Variants in NCOA2 observed in about 807,000 individuals in gnomAD.
NCOA2 encodes class E basic helix-loop-helix protein 75.
NCOA2 carries 21 observed loss-of-function variants against 145.1 expected under a neutral mutation model. That is an observed-to-expected ratio of 0.14 (90% CI 0.10 to 0.21). The LOEUF (loss-of-function observed/expected upper bound fraction) is 0.21, where lower values mean the gene tolerates loss of function less well. Ranked by LOEUF, NCOA2 falls within the 10% of genes least tolerant of loss-of-function variation. The pLI is 1.00. For synonymous variants in NCOA2, 619 were observed against 637.5 expected (o/e 0.97, Z 0.44); for missense variants, 1,472 against 1,837.6 (o/e 0.80, Z 3.64).
chr8:70,260,412 T>TGGCATGAGGCACCAC (rs1824017653), intron 2 of NCOA2, among the ~76,000 whole-genome samples: 1 of 152,112 alleles, frequency 6.6e-6, no homozygotes, highest in Admixed American at 6.5e-5. Flanking sequence ...GGAGGCACCA[T>TGGCATGAGGCACCAC]GGCATGAGGC....
chr8:70,417,125 G>A, the NCOA2 span, among the ~76,000 whole-genome samples: 1 of 151,436 alleles, frequency 6.6e-6, no homozygotes, highest in Non-Finnish European at 1.5e-5. Context: ...TACCTTCTTG[G>A]TGCTGGGCAT....
intron 19 of NCOA2, among the ~76,000 whole-genome samples, chr8:70,126,190 C>A (rs1428006556): frequency 6.6e-6 from 1 of 152,158 alleles, no homozygotes; most frequent in Non-Finnish European, 1.5e-5. Context: ...ATTAACTGAA[C>A]ATGACATGCA....
At chr8:70,344,089 T>C (rs1808385870) in intron 1 of NCOA2, among the ~76,000 whole-genome samples, 2 of 152,196 alleles carry the variant, frequency 1.3e-5, no homozygotes, top group Non-Finnish European at 2.9e-5. Context: ...ATTCTAACTG[T>C]ATAGCACTAC....
At chr8:70,442,109 A>AAAG in the NCOA2 span, among the ~76,000 whole-genome samples, 10 of 131,464 alleles carry the variant, frequency 7.6e-5, no homozygotes, top group East Asian at 4.2e-4. Context: ...AGAAACAGAG[A>AAAG]AAGAAAGAAG....
At chr8:70,414,792 A>G in the NCOA2 span, among the ~76,000 whole-genome samples, 2 of 152,218 alleles carry the variant, frequency 1.3e-5, no homozygotes, top group Non-Finnish European at 2.9e-5. Flanking sequence ...TCCATCTAAG[A>G]CTTCAAAGCC....
At chr8:70,137,761 T>C (rs890840516) in intron 15 of NCOA2, among the ~76,000 whole-genome samples, 5 of 152,226 alleles carry the variant, frequency 3.3e-5, no homozygotes, top group African/African-American at 4.8e-5. Flanking sequence ...CCTGAGGTTC[T>C]TCCTCTGTCA....
At chr8:70,208,513 A>C (rs750382934) in intron 4 of NCOA2, among the ~76,000 whole-genome samples, 17 of 152,348 alleles carry the variant, frequency 1.1e-4, no homozygotes, top group African/African-American at 3.6e-4. Flanking sequence ...CTGTTGGAAG[A>C]AGCAGCCATC....
chr8:70,372,431 A>G (rs1051930814), intron 1 of NCOA2, among the ~76,000 whole-genome samples: 2 of 152,200 alleles, frequency 1.3e-5, no homozygotes, highest in Admixed American at 6.5e-5. Context: ...CAGCTTCCAA[A>G]GAAGCAATTA....
intron 2 of NCOA2, among the ~76,000 whole-genome samples, chr8:70,263,396 A>AGGGTAT (rs1824300794): frequency 2.0e-5 from 3 of 151,958 alleles, no homozygotes; most frequent in Non-Finnish European, 4.4e-5. Flanking sequence ...ACCGCAGATA[A>AGGGTAT]CTGAAACCAC....
chr8:70,377,834 CTAAAT>C, intron 1 of NCOA2, among the ~76,000 whole-genome samples: 1 of 152,230 alleles, frequency 6.6e-6, no homozygotes, highest in Non-Finnish European at 1.5e-5. Context: ...GCTTATAAAT[CTAAAT>C]TAAATGGGCA....
intron 2 of NCOA2, among the ~76,000 whole-genome samples, chr8:70,223,047 G>A (rs1259369027): frequency 6.6e-6 from 1 of 152,160 alleles, no homozygotes; most frequent in Non-Finnish European, 1.5e-5. Flanking sequence ...GGCCTCAGAT[G>A]AGAAAACATC....
intron 1 of NCOA2, among the ~76,000 whole-genome samples, chr8:70,395,790 T>G (rs569765780): frequency 9.4e-4 from 143 of 152,324 alleles, no homozygotes; most frequent in African/African-American, 3.1e-3. Flanking sequence ...CAACAGGAAC[T>G]ACCAGAACTA....
At chr8:70,434,340 G>A in the NCOA2 span, among the ~76,000 whole-genome samples, 1 of 152,186 alleles carries the variant, frequency 6.6e-6, no homozygotes, top group Non-Finnish European at 1.5e-5. Context: ...ATTACTTGGA[G>A]ATAGCTAAAT....
chr8:70,236,351 C>T (rs1821603046), intron 2 of NCOA2, among the ~76,000 whole-genome samples: 1 of 152,118 alleles, frequency 6.6e-6, no homozygotes, highest in Non-Finnish European at 1.5e-5. Context: ...ATACAAGGTG[C>T]CTTATGATCT....
intron 1 of NCOA2, among the ~76,000 whole-genome samples, chr8:70,381,433 T>C (rs963958667): frequency 2.6e-5 from 4 of 152,184 alleles, no homozygotes; most frequent in Admixed American, 2.6e-4. Flanking sequence ...GTGAAGGCAG[T>C]AGTGCTAATC....
chr8:70,124,732 G>T lies in NCOA2; in HGVS notation c.4050C>A (p.Pro1350=). The T allele has an allele frequency of 6.2e-7, 1 of 1,613,142 alleles. No individual in the cohort carries two copies. The highest frequency in any genetic ancestry group is 2.2e-5 in the East Asian group (1 of 44,868). The change falls in exon 20 of 23, where the codon CCC becomes CCA. Residue 1350 remains proline (P), a synonymous_variant. Transcript: ENST00000452400. ...QSQANPAYQA[P]SDINGWAQGN... ...CCTGCGCCCATCCATTTATGTCGGAGGGGGCCTGATAGGCTGGGTTGGCCT... is the reference window on the plus strand; with the variant it reads ...CCTGCGCCCATCCATTTATGTCGGATGGGGCCTGATAGGCTGGGTTGGCCT...
intron 19 of NCOA2, among the ~76,000 whole-genome samples, chr8:70,126,010 G>C (rs866823416): frequency 6.6e-6 from 1 of 152,278 alleles, no homozygotes; most frequent in African/African-American, 2.4e-5. Flanking sequence ...AAAAGCTTAA[G>C]ATCATATAGA....
At chr8:70,273,853 C>T (rs748671441) in intron 2 of NCOA2, 11 of 552,576 alleles carry the variant, frequency 2.0e-5, no homozygotes, top group Non-Finnish European at 3.5e-5. Flanking sequence ...AGTGAGTCAA[C>T]TTCAGTGACT....
intron 1 of NCOA2, among the ~76,000 whole-genome samples, chr8:70,369,516 A>G (rs1811021610): frequency 6.6e-6 from 1 of 152,218 alleles, no homozygotes; most frequent in Admixed American, 6.5e-5. Flanking sequence ...GCATGGACCC[A>G]ATTATCCACA....
Sources: allele counts gnomAD v4.1 joint callset (sites outside exome capture counted in the v4.1 genomes callset), GRCh38; gene constraint gnomAD v4.1.1; transcripts MANE v1.5; gene names NCBI Gene and HGNC (gene_info 2026-07-23, HGNC 2026-07-21).